GPC6: variants seen among roughly 807,000 people sequenced by gnomAD.
The protein encoded by GPC6 is glypican 6, also known as glypican-6.
Under a neutral mutation model 55.2 loss-of-function variants are expected in GPC6, and 14 were observed. The observed-to-expected ratio is 0.25, with a 90% confidence interval of 0.17 to 0.40. GPC6 has a LOEUF of 0.40. GPC6 is among the 10% of genes least tolerant of loss of function. GPC6 has a pLI of 1.00. For missense variants in GPC6, 641 were observed against 708.5 expected, an observed-to-expected ratio of 0.90 and a Z score of 1.08; for synonymous variants, 278 against 259.6, an observed-to-expected ratio of 1.07 and a Z score of -0.68.
intron 2 of GPC6, among the ~76,000 whole-genome samples, chr13:93,638,269 A>G (rs1029947506): frequency 1.2e-4 from 18 of 152,232 alleles, no homozygotes; most frequent in Non-Finnish European, 1.8e-4. Context: ...TGGGATTAGC[A>G]TACTCTGCTG....
rs559147254 is a variant in GPC6, at chr13:94,086,493, T to C, written c.877+58599T>C. On this transcript the variant is annotated intron_variant, in intron 4 of 8. Coordinates refer to ENST00000377047, the MANE Select transcript of GPC6 (RefSeq NM_005708.5). ...GTACATGACTAAAAAAAAAAAAATC[T>C]GTAGAAATGTGCATGGTTTCCTAAG... 4.6e-5 allele frequency among the ~76,000 whole-genome samples: 7 copies of C among 151,326 alleles called. No homozygotes were observed. In the East Asian group the frequency reaches 1.2e-3, roughly 25 times the overall value.
upstream of GPC6, among the ~76,000 whole-genome samples, chr13:93,223,019 C>CTTTTTTTTTTTTTTTTTTTTTTT (rs3073915): frequency 2.0e-5 from 2 of 100,812 alleles, no homozygotes; most frequent in African/African-American, 7.6e-5. Context: ...AGGGAAAACA[C>CTTTTTTTTTTTTTTTTTTTTTTT]TTTTTTTTTT....
At chr13:93,328,909 T>G (rs1879746995) in intron 1 of GPC6, among the ~76,000 whole-genome samples, 1 of 152,150 alleles carries the variant, frequency 6.6e-6, no homozygotes, top group African/African-American at 2.4e-5. Context: ...AGCCTTGAAA[T>G]GCCAGGAGGT....
intron 2 of GPC6, among the ~76,000 whole-genome samples, chr13:93,614,510 G>A (rs1354887258): frequency 1.3e-5 from 2 of 152,010 alleles, no homozygotes; most frequent in South Asian, 2.1e-4. Context: ...CTTGGGTGGC[G>A]GTGACGATTA....
intron 4 of GPC6, among the ~76,000 whole-genome samples, chr13:94,083,168 G>T (rs1394001449): frequency 1.3e-5 from 2 of 152,266 alleles, no homozygotes; most frequent in African/African-American, 4.8e-5. Flanking sequence ...GCCCAGGCTG[G>T]AGTGCAGTGG....
intron 2 of GPC6, among the ~76,000 whole-genome samples, chr13:93,582,763 C>T (rs1313228431): frequency 6.6e-6 from 1 of 152,140 alleles, no homozygotes; most frequent in African/African-American, 2.4e-5. Context: ...TACCTTAGTA[C>T]AGAATTGCAT....
intron 1 of GPC6, among the ~76,000 whole-genome samples, chr13:93,290,910 C>T (rs924663585): frequency 6.6e-6 from 1 of 152,064 alleles, no homozygotes; most frequent in African/African-American, 2.4e-5. Context: ...AAAGTGTATT[C>T]AATATTATGG....
At chr13:94,361,592 G>A (rs1159303949) in intron 6 of GPC6, among the ~76,000 whole-genome samples, 4 of 152,184 alleles carry the variant, frequency 2.6e-5, no homozygotes, top group South Asian at 2.1e-4. Flanking sequence ...GCCCACTTTC[G>A]GAAATCCAGG....
chr13:93,744,948 A>AG, intron 2 of GPC6, among the ~76,000 whole-genome samples: 1 of 151,436 alleles, frequency 6.6e-6, no homozygotes, highest in Non-Finnish European at 1.5e-5. Flanking sequence ...AAAAAAAAAA[A>AG]GTATATATAT....
chr13:93,315,906 G>A (rs1462449323), intron 1 of GPC6, among the ~76,000 whole-genome samples: 1 of 151,692 alleles, frequency 6.6e-6, no homozygotes, highest in Admixed American at 6.6e-5. Context: ...CAAAGAGTCT[G>A]TTTTCTGATC....
intron 2 of GPC6, among the ~76,000 whole-genome samples, chr13:93,620,670 T>TA (rs1342562816): frequency 8.5e-5 from 13 of 152,222 alleles, no homozygotes; most frequent in Non-Finnish European, 1.5e-4. Context: ...ATCCAAATTC[T>TA]AAAAATATGG....
chr13:94,339,354 G>T (rs896623941), intron 6 of GPC6, among the ~76,000 whole-genome samples: 1 of 152,054 alleles, frequency 6.6e-6, no homozygotes, highest in Admixed American at 6.5e-5. Flanking sequence ...GTGAGCCATC[G>T]CACCCGGCCT....
At chr13:93,811,414 A>G (rs1180670800) in intron 2 of GPC6, among the ~76,000 whole-genome samples, 2 of 152,212 alleles carry the variant, frequency 1.3e-5, no homozygotes, top group East Asian at 1.9e-4. Context: ...ATCATTGTCA[A>G]TGCTATTTCA....
intron 4 of GPC6, among the ~76,000 whole-genome samples, chr13:94,126,092 AC>A (rs1431691555): frequency 6.6e-6 from 1 of 152,170 alleles, no homozygotes; most frequent in Non-Finnish European, 1.5e-5. Flanking sequence ...ATAAAGCAAT[AC>A]CAACTGGGCA....
At chr13:93,866,814 C>T (rs1339981952) in intron 3 of GPC6, among the ~76,000 whole-genome samples, 1 of 151,606 alleles carries the variant, frequency 6.6e-6, no homozygotes. Flanking sequence ...ATCACAAACC[C>T]CCATTACGTA....
In GPC6 at chr13:93,873,915, A is replaced by G. The variant is rs576300107; in HGVS notation, c.711+43370A>G. 1.3e-3 allele frequency among the ~76,000 whole-genome samples: 196 copies of G among 151,808 alleles called. 1 individual carries two copies. Among genetic ancestry groups the G allele is most frequent in the African/African-American group, 4.7e-3 (193 of 41,446 alleles). On this transcript the variant is annotated intron_variant, in intron 3 of 8. Transcript: ENST00000377047. ...CGTCTGCCTTCAGAATCTATCCCCA[A>G]TGTGAGCATTACCATCTCCACTGCT...
intron 5 of GPC6, among the ~76,000 whole-genome samples, chr13:94,290,801 A>AT (rs1874920196): frequency 6.6e-6 from 1 of 152,334 alleles, no homozygotes; most frequent in South Asian, 2.1e-4. Context: ...TTTTTGTGGA[A>AT]TTTTTCCAAC....
At chr13:93,511,159 T>G (rs933254344) in intron 1 of GPC6, among the ~76,000 whole-genome samples, 9 of 150,236 alleles carry the variant, frequency 6.0e-5, no homozygotes, top group African/African-American at 2.2e-4. Flanking sequence ...TTTACTCTGT[T>G]TATTATTTCT....
intron 1 of GPC6, among the ~76,000 whole-genome samples, chr13:93,265,848 A>G (rs1470753785): frequency 6.7e-6 from 1 of 149,464 alleles, no homozygotes; most frequent in Non-Finnish European, 1.5e-5. Flanking sequence ...TCGAACGCAT[A>G]GCCTTGCCTC....
Sources: allele counts gnomAD v4.1 joint callset (sites outside exome capture counted in the v4.1 genomes callset), GRCh38; gene constraint gnomAD v4.1.1; transcripts MANE v1.5; gene names NCBI Gene and HGNC (gene_info 2026-07-23, HGNC 2026-07-21).